DPP10: variants seen among roughly 807,000 people sequenced by gnomAD.
The protein encoded by DPP10 is inactive dipeptidyl peptidase 10.
In DPP10, 33 loss-of-function variants were observed where a neutral mutation model predicts 120.9. The observed-to-expected ratio is 0.27, with a 90% CI of 0.21 to 0.37. DPP10 has a LOEUF of 0.37. Among genes scored for constraint, DPP10 ranks in the 10% least tolerant of loss-of-function variants. The pLI, the probability that DPP10 is intolerant of heterozygous loss-of-function variation, is 1.00. For synonymous variants in DPP10, 337 were observed against 326.1 expected, an observed-to-expected ratio of 1.03 and a Z score of -0.36; for missense variants, 816 against 942.8, an observed-to-expected ratio of 0.87 and a Z score of 1.76.
At chr2:115,776,747 A>G (rs1015516878) in intron 13 of DPP10, among the ~76,000 whole-genome samples, 3 of 152,120 alleles carry the variant, frequency 2.0e-5, no homozygotes, top group South Asian at 2.1e-4. Context: ...ACATGAATTC[A>G]TCTCTGAAAA....
intron 4 of DPP10, among the ~76,000 whole-genome samples, chr2:115,517,392 A>G (rs2077560720): frequency 6.6e-6 from 1 of 152,148 alleles, no homozygotes; most frequent in African/African-American, 2.4e-5. Flanking sequence ...TTGCTTTGAT[A>G]CATATATATA....
chr2:114,894,742 A>G (rs1244616977), intron 1 of DPP10, among the ~76,000 whole-genome samples: 1 of 152,154 alleles, frequency 6.6e-6, no homozygotes, highest in African/African-American at 2.4e-5. Flanking sequence ...AAATCTACCT[A>G]TAACTTACCA....
At chr2:115,339,613 A>G (rs996161337) in intron 2 of DPP10, among the ~76,000 whole-genome samples, 1 of 152,208 alleles carries the variant, frequency 6.6e-6, no homozygotes, top group Non-Finnish European at 1.5e-5. Context: ...ATACCCTGGA[A>G]TATTACTCAG....
intron 19 of DPP10, among the ~76,000 whole-genome samples, chr2:115,796,325 A>G (rs915303395): frequency 2.0e-5 from 3 of 152,182 alleles, no homozygotes; most frequent in African/African-American, 4.8e-5. Flanking sequence ...CCAGATTACA[A>G]CATTTACTTT....
At chr2:115,353,010 C>A (rs1051257775) in intron 3 of DPP10, among the ~76,000 whole-genome samples, 9 of 146,588 alleles carry the variant, frequency 6.1e-5, no homozygotes, top group African/African-American at 1.8e-4. Flanking sequence ...CTGACATGTT[C>A]AAAAAAAAAA....
chr2:115,630,406 T>C (rs2085750720), intron 5 of DPP10, among the ~76,000 whole-genome samples: 1 of 152,106 alleles, frequency 6.6e-6, no homozygotes, highest in Non-Finnish European at 1.5e-5. Flanking sequence ...ATTTTTTCTC[T>C]TGCCTGATTG....
At chr2:115,468,153 A>G (rs1380242584) in intron 3 of DPP10, 4 of 495,910 alleles carry the variant, frequency 8.1e-6, no homozygotes, top group Non-Finnish European at 1.6e-5. Flanking sequence ...CTTGACTTCT[A>G]AATGGATCAG....
intron 5 of DPP10, among the ~76,000 whole-genome samples, chr2:115,584,050 CG>C (rs2082150296): frequency 6.6e-6 from 1 of 152,184 alleles, no homozygotes; most frequent in South Asian, 2.1e-4. Flanking sequence ...TAGCAAACAA[CG>C]CCCGCCATCC....
At chr2:114,682,695 C>T (rs1158131793) in intron 1 of DPP10, among the ~76,000 whole-genome samples, 1 of 151,514 alleles carries the variant, frequency 6.6e-6, no homozygotes, top group African/African-American at 2.4e-5. Context: ...TTCAAAAGAG[C>T]CAAGGATTTT....
chr2:115,284,497 T>C (rs2105892103), intron 1 of DPP10, among the ~76,000 whole-genome samples: 1 of 152,138 alleles, frequency 6.6e-6, no homozygotes, highest in South Asian at 2.1e-4. Context: ...CCTGCACTTT[T>C]AATTAACTGC....
At position 115,252,576 on chromosome 2, in the gene DPP10, C is replaced by G. The variant is rs547062978; in HGVS notation, c.61-56663C>G. Among the ~76,000 whole-genome samples the G allele has an allele frequency of 1.4e-3, 208 of 152,142 alleles. 1 individual carries two copies. The highest frequency in any genetic ancestry group is 2.4e-3 in the Non-Finnish European group (164 of 68,022). ...ATTAATTATGATTTATTGAGAACAT[C>G]GTTTTCCCTCTGTGTTTACTACAGT... On this transcript the variant is annotated intron_variant, in intron 1 of 25. Transcript: ENST00000410059.
intron 5 of DPP10, among the ~76,000 whole-genome samples, chr2:115,603,200 G>A (rs2083453259): frequency 6.7e-6 from 1 of 149,506 alleles, no homozygotes. Flanking sequence ...TGTGTTCTTT[G>A]GAGAAAAAAA....
At chr2:115,309,836 T>C (rs1361224607) in intron 2 of DPP10, among the ~76,000 whole-genome samples, 2 of 152,096 alleles carry the variant, frequency 1.3e-5, no homozygotes, top group Non-Finnish European at 2.9e-5. Flanking sequence ...TCTTTTCCTT[T>C]CTTTCCTAAA....
intron 1 of DPP10, among the ~76,000 whole-genome samples, chr2:114,879,315 TA>T (rs1391801898): frequency 2.6e-5 from 4 of 152,058 alleles, no homozygotes; most frequent in African/African-American, 9.7e-5. Flanking sequence ...GTTATTTCAC[TA>T]GTTTTCTCCT....
intron 1 of DPP10, among the ~76,000 whole-genome samples, chr2:114,484,826 C>G (rs780292311): frequency 4.6e-5 from 7 of 152,164 alleles, no homozygotes; most frequent in Admixed American, 2.6e-4. Context: ...TACAAAATAA[C>G]ATAGTTAACA....
chr2:114,480,445 T>G (rs1280226070), intron 1 of DPP10, among the ~76,000 whole-genome samples: 1 of 152,052 alleles, frequency 6.6e-6, no homozygotes, highest in African/African-American at 2.4e-5. Flanking sequence ...AGCAAAGACT[T>G]GGAACCGACC....
At chr2:115,817,500 C>T (rs1475548938) in intron 21 of DPP10, among the ~76,000 whole-genome samples, 7 of 152,124 alleles carry the variant, frequency 4.6e-5, no homozygotes, top group African/African-American at 7.2e-5. Context: ...GTGCAAATCA[C>T]GACCATCCTC....
intron 1 of DPP10, among the ~76,000 whole-genome samples, chr2:114,527,047 C>G (rs1685563809): frequency 6.6e-6 from 1 of 152,150 alleles, no homozygotes; most frequent in Non-Finnish European, 1.5e-5. Flanking sequence ...TTTACACTCC[C>G]TTTTCCTTAA....
At chr2:115,029,318 GT>G (rs1703683160) in intron 1 of DPP10, among the ~76,000 whole-genome samples, 1 of 151,828 alleles carries the variant, frequency 6.6e-6, no homozygotes, top group Non-Finnish European at 1.5e-5. Flanking sequence ...CGATAGATTA[GT>G]TTTTTCATCT....
Sources: gnomAD v4.1 joint callset for allele counts (sites outside exome capture counted in the v4.1 genomes callset) on GRCh38, gnomAD v4.1.1 for gene constraint, MANE v1.5 for transcripts, NCBI Gene and HGNC (gene_info 2026-07-23, HGNC 2026-07-21) for gene names.